The following AGBL3 variants were observed in gnomAD, a reference collection of about 807,000 sequenced individuals.
AGBL3 encodes the protein AGBL carboxypeptidase 3, also known as cytosolic carboxypeptidase 3.
In AGBL3, 68 loss-of-function variants were observed where a neutral mutation model predicts 94.5. The ratio of observed to expected loss-of-function variants is 0.72; its 90% CI spans 0.59 to 0.88. The LOEUF is 0.88. AGBL3 is among the 40% of genes least tolerant of loss of function. The pLI, the probability that AGBL3 is intolerant of heterozygous loss-of-function variation, is 0.00. For missense variants in AGBL3, 934 were observed against 1,103.8 expected, an observed-to-expected ratio of 0.85 and a Z score of 2.18; for synonymous variants, 354 against 370.7, an observed-to-expected ratio of 0.95 and a Z score of 0.52.
chr7:135,110,538 A>G (rs1330353157), intron 15 of AGBL3, among the ~76,000 whole-genome samples: 8 of 152,146 alleles, frequency 5.3e-5, no homozygotes, highest in African/African-American at 1.9e-4. Flanking sequence ...CTGTGGGAGA[A>G]GCGTGGGTCC....
At chr7:135,049,416 G>A (rs908709485) in intron 11 of AGBL3, among the ~76,000 whole-genome samples, 1 of 151,784 alleles carries the variant, frequency 6.6e-6, no homozygotes, top group Non-Finnish European at 1.5e-5. Context: ...TAGATCTTTC[G>A]TATCAGGTTA....
chr7:135,081,991 C>T (rs4496912), intron 15 of AGBL3, among the ~76,000 whole-genome samples: 1 of 152,188 alleles, frequency 6.6e-6, no homozygotes, highest in Non-Finnish European at 1.5e-5. Flanking sequence ...CTCACCAAAT[C>T]TTAGAGCAGA....
rs1826167949 is a variant in AGBL3 at position 135,115,320 on chromosome 7, C to T, written c.2111-60C>T. 7 of 1,118,442 alleles carry T rather than the reference C, an allele frequency of 6.3e-6. No homozygotes were observed. The Admixed American group carries it at 1.8e-4, about 29-fold the overall frequency. 69.3% of individuals were successfully genotyped at this position (1,118,442 alleles called of 1,614,324 possible). On this transcript the variant is annotated intron_variant, in intron 15 of 16. Transcript: ENST00000436302. The stretch of plus-strand genomic sequence containing the variant: ...AAAATCCTTGGCATATAATAATGCC[C>T]AATAAGTAATTGTGAATAGAGTTCA...
intron 3 of AGBL3, among the ~76,000 whole-genome samples, chr7:134,992,260 T>TA (rs1378429851): frequency 3.3e-5 from 5 of 152,226 alleles, no homozygotes; most frequent in African/African-American, 4.8e-5. Flanking sequence ...TCAGCTTTGT[T>TA]AGAGTGTGTC....
intron 3 of AGBL3, among the ~76,000 whole-genome samples, chr7:134,991,098 G>C (rs1298741383): frequency 6.7e-6 from 1 of 149,552 alleles, no homozygotes; most frequent in Non-Finnish European, 1.5e-5. Context: ...TTGTATAGAT[G>C]GTTCAAAGTC....
chr7:135,102,274 A>T (rs554698839), intron 15 of AGBL3, among the ~76,000 whole-genome samples: 4 of 152,322 alleles, frequency 2.6e-5, no homozygotes, highest in African/African-American at 9.6e-5. Flanking sequence ...AGGTCTAAAA[A>T]TTGGACTACC....
At chr7:135,020,897 T>G (rs1167640344) in intron 5 of AGBL3, among the ~76,000 whole-genome samples, 1 of 93,308 alleles carries the variant, frequency 1.1e-5, no homozygotes, top group Non-Finnish European at 2.0e-5. Context: ...CATCACACAC[T>G]GGGGCCTGTT....
At chr7:135,084,592 G>A (rs1215720001) in intron 15 of AGBL3, among the ~76,000 whole-genome samples, 1 of 152,112 alleles carries the variant, frequency 6.6e-6, no homozygotes, top group East Asian at 1.9e-4. Flanking sequence ...AGAACATGCA[G>A]TATTTATCTT....
At chr7:135,051,954 G>A (rs1192111997) in intron 11 of AGBL3, among the ~76,000 whole-genome samples, 1 of 151,764 alleles carries the variant, frequency 6.6e-6, no homozygotes, top group East Asian at 1.9e-4. Context: ...TGACAGTTAA[G>A]TGTCTTTGTT....
At chr7:135,080,347 T>C (rs1212906054) in intron 14 of AGBL3, 87 bp downstream of exon 14, 2 of 1,000,064 alleles carry the variant, frequency 2.0e-6, no homozygotes, top group Non-Finnish European at 3.1e-6. Flanking sequence ...AGGTTGCCAC[T>C]GTGCTTGGTG....
At chr7:135,022,162 T>C (rs895544854) in intron 5 of AGBL3, among the ~76,000 whole-genome samples, 5 of 152,168 alleles carry the variant, frequency 3.3e-5, no homozygotes, top group African/African-American at 1.2e-4. Flanking sequence ...GAATGATTTA[T>C]ATTCCTTTGG....
At chr7:135,030,638 T>C (rs1471893443) in intron 5 of AGBL3, among the ~76,000 whole-genome samples, 1 of 152,104 alleles carries the variant, frequency 6.6e-6, no homozygotes, top group Non-Finnish European at 1.5e-5. Context: ...TTTGAGAAAA[T>C]TTCAGCCATT....
chr7:135,048,447 T>C (rs1817576672), intron 11 of AGBL3, among the ~76,000 whole-genome samples: 1 of 150,894 alleles, frequency 6.6e-6, no homozygotes, highest in African/African-American at 2.4e-5. Flanking sequence ...TAGAGTAGTA[T>C]AGGCATTTTA....
intron 15 of AGBL3, among the ~76,000 whole-genome samples, chr7:135,087,593 A>C (rs1289180550): frequency 2.6e-5 from 4 of 151,952 alleles, no homozygotes; most frequent in African/African-American, 9.7e-5. Flanking sequence ...GTAGTTATTC[A>C]GAAGTATGTT....
intron 15 of AGBL3, among the ~76,000 whole-genome samples, chr7:135,101,503 A>C (rs1176594983): frequency 3.3e-5 from 5 of 152,318 alleles, no homozygotes. Context: ...GCCTTAAAAA[A>C]AAAACTTAAT....
intron 12 of AGBL3, among the ~76,000 whole-genome samples, chr7:135,068,001 G>A (rs2687093): frequency 0.44 from 67,102 of 151,868 alleles, 15,460 homozygotes; most frequent in East Asian, 0.78. Flanking sequence ...AAAATTAGAC[G>A]AATGGCTAAC....
chr7:135,081,636 C>G (rs1820932079), intron 14 of AGBL3, 83 bp from the exon 15 acceptor site: 3 of 903,640 alleles, frequency 3.3e-6, no homozygotes, highest in South Asian at 4.6e-5. Context: ...CTAGCATTTT[C>G]CACTTTGAAA....
At chr7:135,042,365 C>T (rs1192360185) in intron 8 of AGBL3, among the ~76,000 whole-genome samples, 1 of 152,114 alleles carries the variant, frequency 6.6e-6, no homozygotes, top group Non-Finnish European at 1.5e-5. Flanking sequence ...TTCACACATG[C>T]AACAACTTGG....
chr7:134,992,907 CATAAG>C (rs1374627577), intron 3 of AGBL3, among the ~76,000 whole-genome samples: 1 of 152,176 alleles, frequency 6.6e-6, no homozygotes, highest in African/African-American at 2.4e-5. Context: ...GGAAATGTAT[CATAAG>C]AGAAGTGCGC....
Sources: allele counts gnomAD v4.1 joint callset (sites outside exome capture counted in the v4.1 genomes callset), GRCh38; gene constraint gnomAD v4.1.1; transcripts MANE v1.5; gene names NCBI Gene and HGNC (gene_info 2026-07-23, HGNC 2026-07-21).